The following ERICH3 variants were observed in gnomAD, a reference collection of about 807,000 sequenced individuals.
ERICH3 encodes the protein glutamate-rich protein 3.
A neutral mutation model predicts 131.1 loss-of-function variants in ERICH3; 126 were observed. That is an observed-to-expected ratio of 0.96 (90% CI 0.83 to 1.11). The LOEUF (loss-of-function observed/expected upper bound fraction) is 1.11, where lower values mean the gene tolerates loss of function less well. ERICH3 is among the 50% of genes most tolerant of loss of function. The pLI is 0.00. For missense variants in ERICH3, 2,050 were observed against 1,810.7 expected (o/e 1.13, Z -2.40); for synonymous variants, 695 against 644.6 (o/e 1.08, Z -1.18).
chr1:74,643,382 C>G (rs960884595), intron 3 of ERICH3, among the ~76,000 whole-genome samples: 1 of 151,908 alleles, frequency 6.6e-6, no homozygotes, highest in Non-Finnish European at 1.5e-5. Context: ...TAAAAAATGT[C>G]TTATGCACAA....
chr1:74,642,810 C>T (rs530369978), intron 4 of ERICH3, among the ~76,000 whole-genome samples: 1 of 152,164 alleles, frequency 6.6e-6, no homozygotes, highest in East Asian at 1.9e-4. Context: ...AAGGTTTGTG[C>T]CTCATTAAAA....
At chr1:74,598,017 C>T (rs768991432) in intron 11 of ERICH3, among the ~76,000 whole-genome samples, 5 of 151,942 alleles carry the variant, frequency 3.3e-5, no homozygotes, top group African/African-American at 4.8e-5. Context: ...CTCCAATATT[C>T]TCTACTCCTC....
rs185552792 is a variant in ERICH3, at chr1:74,628,356, G to A, written c.819+3357C>T. ...AGGTTGAATTGAATTCTCTAGCTGA[G>A]GTTGCTCACGGGTGGACGATTCATT... On this transcript the variant is annotated intron_variant, in intron 7 of 14. Transcript: ENST00000326665. Among the ~76,000 whole-genome samples the A allele has an allele frequency of 5.3e-5, 8 of 152,212 alleles. 1 individual carries two copies. Among genetic ancestry groups the A allele is most frequent in the African/African-American group, 1.9e-4 (8 of 41,556 alleles).
chr1:74,575,211 T>G (rs4082886), intron 13 of ERICH3, among the ~76,000 whole-genome samples: 3 of 152,094 alleles, frequency 2.0e-5, no homozygotes, highest in African/African-American at 7.2e-5. Context: ...TATCGTTTGT[T>G]GCATTTCCTC....
At chr1:74,595,113 C>A (rs1203787581) in intron 11 of ERICH3, among the ~76,000 whole-genome samples, 1 of 152,062 alleles carries the variant, frequency 6.6e-6, no homozygotes, top group Non-Finnish European at 1.5e-5. Flanking sequence ...TTAATTTCTT[C>A]AAATTAGCCA....
chr1:74,619,566 A>G (rs751897995), intron 8 of ERICH3, among the ~76,000 whole-genome samples: 33 of 152,172 alleles, frequency 2.2e-4, no homozygotes, highest in Admixed American at 1.4e-3. Context: ...GAACTGATCA[A>G]GGGCCTTGCA....
intron 5 of ERICH3, among the ~76,000 whole-genome samples, chr1:74,639,112 C>T (rs1424823755): frequency 6.6e-6 from 1 of 151,992 alleles, no homozygotes; most frequent in Non-Finnish European, 1.5e-5. Context: ...GGTCTTATAA[C>T]CCACAAAGAG....
intron 8 of ERICH3, among the ~76,000 whole-genome samples, chr1:74,617,136 A>G (rs1035159889): frequency 6.6e-6 from 1 of 150,622 alleles, no homozygotes; most frequent in African/African-American, 2.5e-5. Context: ...CACAGATTTA[A>G]TTTTGGTAAG....
Position 74,636,332 on chromosome 1 carries a change from C to G in ERICH3, c.551G>C (p.Arg184Thr). 1 of 1,612,576 alleles carries G rather than the reference C, an allele frequency of 6.2e-7. No homozygotes were observed. Among genetic ancestry groups the G allele is most frequent in the South Asian group, 1.1e-5 (1 of 90,866 alleles). The change falls in exon 6 of 15, where the codon AGG becomes ACG. Residue 184 changes from arginine to threonine, a missense_variant. Transcript: ENST00000326665. ...AVETVPKVTS[R>T]SRSKTSLLEN... ...CAGCAATGAGGTTTTTGATCTGGAC[C>G]TTGAAGTTACCTTTGGAACAGTTTC... is the stretch of plus-strand genomic sequence containing the variant.
chr1:74,582,852 AT>A lies in ERICH3; in HGVS notation c.2177-5917del, dbSNP rs542438743. 6.0e-4 allele frequency among the ~76,000 whole-genome samples: 92 copies of A among 152,330 alleles called. 1 individual carries two copies. In the South Asian group the frequency reaches 0.018, roughly 30 times the overall value. ...CCATAAACTTTGATTTAACAAAAAA[AT>A]ATTTAGAATGATGACGATGAAAGTT... On this transcript the variant is annotated intron_variant, in intron 12 of 14. Coordinates refer to ENST00000326665, the MANE Select transcript of ERICH3 (RefSeq NM_001002912.5).
At position 74,649,202 on chromosome 1, in the gene ERICH3, G is replaced by T; in HGVS notation, c.117+20C>A. On this transcript the variant is annotated intron_variant, in intron 2 of 14. Coordinates refer to ENST00000326665, the MANE Select transcript of ERICH3 (RefSeq NM_001002912.5). ...ACTTAATGAAACAAGAAGGTCAGTGGAAAGTAAACCAAAACTTACCAGTCC... is the reference window on the plus strand; with the variant it reads ...ACTTAATGAAACAAGAAGGTCAGTGTAAAGTAAACCAAAACTTACCAGTCC... The T allele has an allele frequency of 6.4e-7, 1 of 1,560,252 alleles. No homozygotes were observed. Among genetic ancestry groups the T allele is most frequent in the South Asian group, 1.2e-5 (1 of 85,734 alleles).
chr1:74,631,625 C>T (rs1646336939), intron 7 of ERICH3, 88 bp downstream of exon 7: 1 of 1,135,308 alleles, frequency 8.8e-7, no homozygotes, highest in African/African-American at 1.6e-5. Flanking sequence ...GCAATTTCCT[C>T]CAAATTCTTT....
intron 12 of ERICH3, among the ~76,000 whole-genome samples, chr1:74,582,290 G>A (rs2100547437): frequency 6.6e-6 from 1 of 152,238 alleles, no homozygotes; most frequent in South Asian, 2.1e-4. Flanking sequence ...TTTCTCATGG[G>A]AAACAAACAC....
At chr1:74,624,484 C>G (rs1264617022) in intron 7 of ERICH3, 1 of 152,280 alleles carries the variant, frequency 6.6e-6, no homozygotes, top group East Asian at 1.9e-4. Context: ...GGTTTTGCCT[C>G]CCAGTTTGCT....
Position 74,606,842 on chromosome 1 carries a change from CTT to C in ERICH3, c.1246_1247del (p.Lys416GlufsTer3). The C allele has an allele frequency of 6.2e-7, 1 of 1,612,682 alleles. No individual in the cohort carries two copies. The highest frequency in any genetic ancestry group is 8.5e-7 in the Non-Finnish European group (1 of 1,179,322). ...TCAGTTCCTCTCCTTTCTCAGTGCT[CTT>C]TTCTTTCCTAGATTTCGGCAAAGAC... ...KPSLPKSRKE[K>X]STEKGEELKK... On this transcript the variant is annotated frameshift_variant, in exon 10 of 15. Transcript: ENST00000326665. LOFTEE classifies it high-confidence loss of function.
At chr1:74,617,651 G>T (rs1430464964) in intron 8 of ERICH3, among the ~76,000 whole-genome samples, 1 of 152,170 alleles carries the variant, frequency 6.6e-6, no homozygotes, top group African/African-American at 2.4e-5. Context: ...AATCTGTACA[G>T]TCAGAAAGCA....
In ERICH3 at chr1:74,593,670, A is replaced by T. The variant is rs192788531; in HGVS notation, c.1727-3590T>A. Among the ~76,000 whole-genome samples the T allele has an allele frequency of 3.5e-3, 534 of 152,228 alleles. 1 individual carries two copies. The highest frequency in any genetic ancestry group is 0.02 in the Middle Eastern group (6 of 294). ...CATGATAAAGATAAAACCAATCATG[A>T]TTATGCACCTACTATAAACCAAACC... On this transcript the variant is annotated intron_variant, in intron 11 of 14. Transcript: ENST00000326665.
Position 74,599,895 on chromosome 1 carries a change from T to G in ERICH3, c.1526A>C (p.Gln509Pro). The G allele has an allele frequency of 6.2e-7, 1 of 1,611,674 alleles. No homozygotes were observed. The highest frequency in any genetic ancestry group is 8.5e-7 in the Non-Finnish European group (1 of 1,178,684). The change falls in exon 11 of 15, where the codon CAA becomes CCA. Residue 509 changes from glutamine (Q) to proline (P), a missense_variant. Physicochemically the swap from Gln to Pro is moderately conservative, Grantham distance 76. Coordinates refer to ENST00000326665, the MANE Select transcript of ERICH3 (RefSeq NM_001002912.5). ...TCCTTCTTCATTAGATTTTTCACCT[T>G]GTTTCTCCTCATCTACTTCAAAGTC... The part of the protein sequence containing the change: ...EEDFEVDEEK[Q>P]GEKSNEEGQA...
chr1:74,587,324 C>CAAAAAAAAA (rs11330631), intron 12 of ERICH3, among the ~76,000 whole-genome samples: 1 of 56,282 alleles, frequency 1.8e-5, no homozygotes, highest in Non-Finnish European at 3.9e-5. Context: ...GACTCCATCT[C>CAAAAAAAAA]AAAAAAAAAA....
Sources: gnomAD v4.1 joint callset for allele counts (sites outside exome capture counted in the v4.1 genomes callset) on GRCh38, gnomAD v4.1.1 for gene constraint, MANE v1.5 for transcripts, NCBI Gene and HGNC (gene_info 2026-07-23, HGNC 2026-07-21) for gene names.